Variants in RGS3 observed in about 807,000 individuals in gnomAD.
The protein encoded by RGS3 is regulator of G protein signaling 3.
In RGS3, 80 loss-of-function variants were observed where a neutral mutation model predicts 132.6. The observed-to-expected ratio is 0.60, with a 90% CI of 0.50 to 0.73. RGS3 has a LOEUF of 0.73. Ranked by LOEUF, RGS3 falls within the 30% of genes least tolerant of loss-of-function variation. RGS3 has a pLI of 0.00. For missense variants in RGS3, 1,382 were observed against 1,530.8 expected, an observed-to-expected ratio of 0.90 and a Z score of 1.62; for synonymous variants, 598 against 620.6, an observed-to-expected ratio of 0.96 and a Z score of 0.54.
chr9:113,529,371 C>A, intron 18 of RGS3, 107 bp downstream of exon 16: 1 of 987,128 alleles, frequency 1.0e-6, no homozygotes, highest in Non-Finnish European at 1.6e-6. Context: ...CCTCCATACC[C>A]ACTCATGCCG....
chr9:113,469,042 ATTTTT>A (rs145400431), intron 3 of RGS3, among the ~76,000 whole-genome samples: 2 of 102,130 alleles, frequency 2.0e-5, no homozygotes, highest in African/African-American at 7.6e-5. Context: ...TTTGCTCAGC[ATTTTT>A]TTTTTTTTTT....
intron 19 of RGS3, among the ~76,000 whole-genome samples, chr9:113,574,454 A>G (rs541263932): frequency 6.6e-6 from 1 of 152,374 alleles, no homozygotes; most frequent in East Asian, 1.9e-4. Flanking sequence ...CAAGGCAGAG[A>G]ACATGGCTTG....
At chr9:113,558,131 AG>A (rs1436608302) in intron 19 of RGS3, among the ~76,000 whole-genome samples, 1 of 152,218 alleles carries the variant, frequency 6.6e-6, no homozygotes, top group Non-Finnish European at 1.5e-5. Context: ...AGAGATCCAC[AG>A]GATGTATAGC....
intron 3 of RGS3, among the ~76,000 whole-genome samples, chr9:113,467,817 C>T (rs544529943): frequency 1.7e-3 from 254 of 152,186 alleles, no homozygotes; most frequent in Non-Finnish European, 2.1e-3. Flanking sequence ...TGTGCTTAAG[C>T]GATCCTCCCA....
At chr9:113,517,765 C>A in intron 16 of RGS3, 141 bp downstream of exon 14, 1 of 622,036 alleles carries the variant, frequency 1.6e-6, no homozygotes, top group Non-Finnish European at 2.8e-6. Context: ...AGGACCCCGC[C>A]ACTCTCCCTA....
intron 7 of RGS3, among the ~76,000 whole-genome samples, chr9:113,492,102 T>A (rs1267995842): frequency 6.6e-6 from 1 of 152,224 alleles, no homozygotes. Context: ...TAAATTAGGA[T>A]TAAATGGTAT....
chr9:113,540,535 C>T (rs7018783), intron 19 of RGS3, among the ~76,000 whole-genome samples: 18,094 of 152,160 alleles, frequency 0.12, 1,292 homozygotes, highest in African/African-American at 0.19. Flanking sequence ...AAGCATCATC[C>T]GTGCCGTGAG....
At chr9:113,498,170 T>C in intron 10 of RGS3, 90 bp downstream of exon 8, 1 of 1,144,074 alleles carries the variant, frequency 8.7e-7, no homozygotes, top group East Asian at 2.4e-5. Flanking sequence ...AGGGGCAGCA[T>C]TTGGTGCTTG....
intron 19 of RGS3, among the ~76,000 whole-genome samples, chr9:113,538,951 A>G (rs1489547743): frequency 1.3e-5 from 2 of 152,200 alleles, no homozygotes; most frequent in Non-Finnish European, 2.9e-5. Context: ...TAGAGGTCTC[A>G]CTGCTCAAAA....
At chr9:113,500,011 C>T (rs918834616) in intron 10 of RGS3, among the ~76,000 whole-genome samples, 3 of 152,082 alleles carry the variant, frequency 2.0e-5, no homozygotes, top group East Asian at 1.9e-4. Context: ...GGGCCTCCCT[C>T]GTGATTCATG....
intron 3 of RGS3, among the ~76,000 whole-genome samples, chr9:113,464,177 C>T (rs893300474): frequency 2.0e-5 from 3 of 152,250 alleles, no homozygotes; most frequent in African/African-American, 7.2e-5. Flanking sequence ...CCTGGGTTGT[C>T]ACCACGGAGT....
rs766566440 is a variant in RGS3, at chr9:113,594,981, G to T, written c.3244+1G>T. On this transcript the variant is annotated splice_donor_variant, in intron 23 of 24. Coordinates refer to ENST00000350696, the Ensembl canonical transcript of RGS3. LOFTEE classifies it high-confidence loss of function. ...TTGGAGAAGCTGCTGGTTCACAAAT[G>T]TAAGTTGGGCCTGCCTGCCCACTCC... The T allele has an allele frequency of 6.2e-7, 1 of 1,613,928 alleles. No individual in the cohort carries two copies. The highest frequency in any genetic ancestry group is 8.5e-7 in the Non-Finnish European group (1 of 1,179,944).
rs575223307 is a variant in RGS3 at position 113,479,336 on chromosome 9, T to C, written c.416-155T>C. 1.1e-3 allele frequency: 840 copies of C among 756,256 alleles called. 3 individuals are homozygous for C. The highest frequency in any genetic ancestry group is 1.7e-3 in the Non-Finnish European group (716 of 427,372). The allele number at this position is 756,256 out of a possible 1,614,324, so 46.8% of individuals were successfully genotyped here. ...CGATGTGGTGGGCGGGGCTGAACCC[T>C]GTGGCTTCTGAGGTCCCTGCCAGCC... On this transcript the variant is annotated intron_variant, in intron 3 of 24. Transcript: ENST00000350696.
At chr9:113,478,598 C>T (rs1830066078) in intron 3 of RGS3, among the ~76,000 whole-genome samples, 2 of 152,098 alleles carry the variant, frequency 1.3e-5, no homozygotes, top group South Asian at 4.1e-4. Flanking sequence ...CACTTGAGCC[C>T]AGGAGTTTGA....
At chr9:113,538,174 A>G (rs1398368182) in intron 19 of RGS3, among the ~76,000 whole-genome samples, 2 of 152,204 alleles carry the variant, frequency 1.3e-5, no homozygotes, top group African/African-American at 4.8e-5. Flanking sequence ...GGGCTATAGC[A>G]CAGTGCCTGG....
chr9:113,461,763 AGT>A lies in RGS3; in HGVS notation c.140_141del (p.Cys47LeufsTer14). The stretch of plus-strand genomic sequence containing the variant: ...TTTCTTTCTGGATCTCACCGTCCTG[AGT>A]GTTGTACCTGCAGGTTGCTCACAGC... On this transcript the variant is annotated frameshift_variant, in exon 2 of 25. Coordinates refer to ENST00000350696, the Ensembl canonical transcript of RGS3. LOFTEE classifies it high-confidence loss of function. The A allele has an allele frequency of 6.2e-7, 1 of 1,614,050 alleles. No individual in the cohort carries two copies. Among genetic ancestry groups the A allele is most frequent in the Non-Finnish European group, 8.5e-7 (1 of 1,179,998 alleles).
At chr9:113,564,156 G>A (rs947910619) in intron 19 of RGS3, among the ~76,000 whole-genome samples, 49 of 152,226 alleles carry the variant, frequency 3.2e-4, no homozygotes, top group African/African-American at 1.1e-3. Context: ...CTGGCTGTAT[G>A]GTGGTTAAGA....
At chr9:113,559,030 G>T (rs1397748204) in intron 19 of RGS3, among the ~76,000 whole-genome samples, 1 of 152,240 alleles carries the variant, frequency 6.6e-6, no homozygotes, top group Non-Finnish European at 1.5e-5. Flanking sequence ...GAAGGCAGCA[G>T]CAAAGTTAGC....
chr9:113,502,067 T>C (rs1830923567), intron 10 of RGS3, among the ~76,000 whole-genome samples: 1 of 152,216 alleles, frequency 6.6e-6, no homozygotes, highest in South Asian at 2.1e-4. Flanking sequence ...TTCGTGTATA[T>C]GTACATATGT....
Sources: gnomAD v4.1 joint callset for allele counts (sites outside exome capture counted in the v4.1 genomes callset) on GRCh38, gnomAD v4.1.1 for gene constraint, MANE v1.5 for transcripts, NCBI Gene and HGNC (gene_info 2026-07-23, HGNC 2026-07-21) for gene names.